Variants in IGF2 observed in about 807,000 individuals in gnomAD.
IGF2 encodes the protein insulin like growth factor 2.
Under a neutral mutation model 12.0 loss-of-function variants are expected in IGF2, and 2 were observed. The observed-to-expected ratio is 0.17, with a 90% CI of 0.07 to 0.52. IGF2 has a LOEUF of 0.52. Ranked by LOEUF, IGF2 falls within the 20% of genes least tolerant of loss-of-function variation. IGF2 has a pLI of 0.95. For missense variants in IGF2, 211 were observed against 268.0 expected, an observed-to-expected ratio of 0.79 and a Z score of 1.48; for synonymous variants, 105 against 110.1, an observed-to-expected ratio of 0.95 and a Z score of 0.29.
Position 2,133,785 on chromosome 11 carries a change from C to T in IGF2, c.158-120G>A. 8.1e-7 allele frequency: 1 copy of T among 1,235,168 alleles called. No homozygotes were observed. The highest frequency in any genetic ancestry group is 1.1e-6 in the Non-Finnish European group (1 of 886,276). 76.5% of individuals were successfully genotyped at this position (1,235,168 alleles called of 1,614,324 possible). A position where few individuals can be genotyped will look rare whatever the true frequency, so the allele number is the denominator to read the frequency against. On this transcript the variant is annotated intron_variant, in intron 2 of 3. Transcript: ENST00000416167. The surrounding 1 kb of genome is among the most constrained non-coding windows in gnomAD (Gnocchi z 8.9). The stretch of plus-strand genomic sequence containing the variant: ...GCCAGGCCCTGGAAGGACGCAGCCA[C>T]CCTGCGGGTCAGGGGAGGGAAGTGA...
At chr11:2,147,441 G>C in the IGF2 span, 1 of 422,484 alleles carries the variant, frequency 2.4e-6, no homozygotes, top group Non-Finnish European at 4.0e-6. This position sits in a 1 kb window ranked among gnomAD's most constrained non-coding sequence, Gnocchi z 7.2. Flanking sequence ...CCAGCTGTGT[G>C]ACTGAATCCA....
upstream of IGF2, chr11:2,140,458 C>A (rs1337089986): frequency 7.8e-6 from 5 of 644,672 alleles, no homozygotes; most frequent in Admixed American, 1.2e-4. Flanking sequence ...CCTCGCCCCC[C>A]TCGCTCCGCC....
rs533893575 is a variant in IGF2 at position 2,129,850 on chromosome 11, C to T, written c.*3137G>A. ...AACCTCCCAGAGGCCGAGTCCCTGC[C>T]GCAGCCCTAGGCGCCGCGGTGGTGG... On this transcript the variant is annotated 3_prime_UTR_variant, in exon 4 of 4. Coordinates refer to ENST00000416167, the MANE Select transcript of IGF2 (RefSeq NM_000612.6). This position sits in a 1 kb window ranked among gnomAD's most constrained non-coding sequence, Gnocchi z 8.1. The T allele has an allele frequency of 3.9e-5, 9 of 232,348 alleles. No homozygotes were observed. Among genetic ancestry groups the T allele is most frequent in the East Asian group, 6.1e-5 (1 of 16,472 alleles). 14.4% of individuals were successfully genotyped at this position (232,348 alleles called of 1,614,324 possible).
chr11:2,136,172 G>A (rs1859032740), intron 1 of IGF2, among the ~76,000 whole-genome samples: 1 of 152,160 alleles, frequency 6.6e-6, no homozygotes, highest in South Asian at 2.1e-4. Context: ...GGACTCCAAT[G>A]GTTAACACAA....
At chr11:2,143,575 T>C (rs911750108), upstream of IGF2, among the ~76,000 whole-genome samples, 2 of 151,748 alleles carry the variant, frequency 1.3e-5, no homozygotes, top group African/African-American at 4.8e-5. Context: ...GGAAGCCGGG[T>C]TAGTGGCCTG....
chr11:2,147,520 G>T, the IGF2 span: 1 of 838,984 alleles, frequency 1.2e-6, no homozygotes, highest in African/African-American at 1.8e-5. This position sits in a 1 kb window ranked among gnomAD's most constrained non-coding sequence, Gnocchi z 7.2. Flanking sequence ...CCCGCGCAGA[G>T]CCTGTGGCCC....
chr11:2,147,420 A>G, the IGF2 span: 1 of 407,700 alleles, frequency 2.5e-6, no homozygotes, highest in Non-Finnish European at 4.3e-6. This position sits in a 1 kb window ranked among gnomAD's most constrained non-coding sequence, Gnocchi z 7.2. Flanking sequence ...CCAACCACGG[A>G]ACTCCAGATC....
In IGF2 at chr11:2,134,881, C is replaced by T. The variant is rs529833385; in HGVS notation, c.157+486G>A. 5.9e-5 allele frequency among the ~76,000 whole-genome samples: 9 copies of T among 152,366 alleles called. No individual in the cohort carries two copies. The South Asian group carries it at 1.9e-3, about 32-fold the overall frequency. ...CCCAAGGAGGCGCATGCACCGCTCA[C>T]CCCTGCCACCCACCAACTGCACTTG... On this transcript the variant is annotated intron_variant, in intron 2 of 3. Coordinates refer to ENST00000416167, the MANE Select transcript of IGF2 (RefSeq NM_000612.6).
Position 2,133,419 on chromosome 11 carries a change from C to G in IGF2, c.306+98G>C. ...AAGCAAGGAAGTCACGGGTCCTTGT[C>G]CCTGGCCAAGAGGTCCCAGAGGCCA... On this transcript the variant is annotated intron_variant, in intron 3 of 3. Coordinates refer to ENST00000416167, the MANE Select transcript of IGF2 (RefSeq NM_000612.6). This position sits in a 1 kb window ranked among gnomAD's most constrained non-coding sequence, Gnocchi z 8.9. The G allele has an allele frequency of 2.2e-6, 3 of 1,367,094 alleles. No homozygotes were observed. Among genetic ancestry groups the G allele is most frequent in the Middle Eastern group, 1.9e-4 (1 of 5,136 alleles). The allele number at this position is 1,367,094 out of a possible 1,614,324, so 84.7% of individuals were successfully genotyped here.
chr11:2,146,608 G>T, the IGF2 span: 1 of 344,680 alleles, frequency 2.9e-6, no homozygotes, highest in South Asian at 2.1e-5. Flanking sequence ...ACACTCCAAA[G>T]GACTGAGGCG....
chr11:2,146,947 C>G, the IGF2 span: 1 of 156,408 alleles, frequency 6.4e-6, no homozygotes, highest in Admixed American at 6.3e-5. Flanking sequence ...CGGGAAGCCC[C>G]GCAGGCTCCT....
chr11:2,140,995 A>C, upstream of IGF2: 1 of 265,662 alleles, frequency 3.8e-6, no homozygotes, highest in South Asian at 2.9e-5. Context: ...AGCAACGCCC[A>C]GTCCGTTGGA....
rs772313338 is a variant in IGF2 at position 2,135,535 on chromosome 11, G to A, written c.-6-6C>T. On this transcript the variant is annotated splice_polypyrimidine_tract_variant and splice_region_variant and intron_variant, in intron 1 of 3. Transcript: ENST00000416167. ...ATTGGGATTCCCATTGGTGTCTGGG[G>A]GCGGGAGAGAAGTGGCGTGAGCGGG... The A allele has an allele frequency of 1.9e-6, 3 of 1,611,784 alleles. No individual in the cohort carries two copies. The highest frequency in any genetic ancestry group is 1.7e-5 in the Admixed American group (1 of 59,906).
At position 2,133,221 on chromosome 11, in the gene IGF2, G is replaced by C; in HGVS notation, c.309C>G (p.Asp103Glu). The C allele has an allele frequency of 6.5e-7, 1 of 1,537,882 alleles. No individual in the cohort carries two copies. The highest frequency in any genetic ancestry group is 8.8e-7 in the Non-Finnish European group (1 of 1,139,120). Residue 103 changes from aspartate (D) to glutamate (E), a missense_variant and splice_region_variant, in exon 4 of 4, where the codon GAC becomes GAG. Transcript: ENST00000416167. This position sits in a 1 kb window ranked among gnomAD's most constrained non-coding sequence, Gnocchi z 8.9. ...TGCCCACGGGGTATCTGGGGAAGTTGTCCTGGGAGGGGAAGGGGCTGGTCA... is the reference window on the plus strand; with the variant it reads ...TGCCCACGGGGTATCTGGGGAAGTTCTCCTGGGAGGGGAAGGGGCTGGTCA... ...DVSTPPTVLP[D>E]NFPRYPVGKF...
Position 2,138,668 on chromosome 11 carries a change from C to A in IGF2, c.-446G>T. ...AGAAACAGAAAGCGTGTAATTAATC[C>A]ACTTTGGTTCGGCGAAGGCGAGAGG... On this transcript the variant is annotated 5_prime_UTR_variant, in exon 1 of 4. Transcript: ENST00000416167. 1.0e-6 allele frequency: 1 copy of A among 971,794 alleles called. No homozygotes were observed. Among genetic ancestry groups the A allele is most frequent in the Non-Finnish European group, 1.2e-6 (1 of 826,582 alleles). 60.2% of individuals were successfully genotyped at this position (971,794 alleles called of 1,614,324 possible). A position where few individuals can be genotyped will look rare whatever the true frequency, so the allele number is the denominator to read the frequency against.
At chr11:2,146,073 G>A (rs17885652), upstream of IGF2, among the ~76,000 whole-genome samples, 37,468 of 151,976 alleles carry the variant, frequency 0.25, 4,871 homozygotes, top group African/African-American at 0.31. Flanking sequence ...GGGCAACGCT[G>A]GTCTCCTCTC....
Position 2,132,660 on chromosome 11 carries a change from G to T in IGF2, c.*327C>A, listed in dbSNP as rs547785690. ...ATTAGTTTTAAGAGGGTTGTTGTGG[G>T]GGGGGGGGAAGGGGGTTAGTTTAAT... is the stretch of plus-strand genomic sequence containing the variant. On this transcript the variant is annotated 3_prime_UTR_variant, in exon 4 of 4. Coordinates refer to ENST00000416167, the MANE Select transcript of IGF2 (RefSeq NM_000612.6). 80 of 142,850 alleles carry T rather than the reference G, an allele frequency of 5.6e-4. 2 individuals are homozygous for T. Among genetic ancestry groups the T allele is most frequent in the East Asian group, 3.9e-3 (36 of 9,198 alleles). The allele number at this position is 142,850 out of a possible 1,614,324, so 8.8% of individuals were successfully genotyped here. A position where few individuals can be genotyped will look rare whatever the true frequency, so the allele number is the denominator to read the frequency against.
chr11:2,135,294 T>C, intron 2 of IGF2, 73 bp downstream of exon 2: 2 of 1,364,246 alleles, frequency 1.5e-6, no homozygotes, highest in Non-Finnish European at 2.0e-6. Flanking sequence ...CTCCCCTGGC[T>C]TGAGGTTGGG....
chr11:2,144,528 C>T (rs1359973375), upstream of IGF2, among the ~76,000 whole-genome samples: 1 of 152,196 alleles, frequency 6.6e-6, no homozygotes, highest in Non-Finnish European at 1.5e-5. Flanking sequence ...AAACACGGGG[C>T]CCGGGAGGAG....
Sources: allele counts gnomAD v4.1 joint callset (sites outside exome capture counted in the v4.1 genomes callset), GRCh38; gene constraint gnomAD v4.1.1; non-coding constraint Gnocchi (gnomAD v3.1); transcripts MANE v1.5; gene names NCBI Gene and HGNC (gene_info 2026-07-23, HGNC 2026-07-21).